The following SV2C variants were observed in gnomAD, a reference collection of about 807,000 sequenced individuals.
SV2C encodes solute carrier family 22 member B3.
SV2C carries 49 observed loss-of-function variants against 79.7 expected under a neutral mutation model. The ratio of observed to expected loss-of-function variants is 0.61; its 90% confidence interval spans 0.49 to 0.78. SV2C has a LOEUF of 0.78. SV2C is among the 30% of genes least tolerant of loss of function. The pLI, the probability that SV2C is intolerant of heterozygous loss-of-function variation, is 0.00. For missense variants in SV2C, 833 were observed against 912.9 expected (o/e 0.91, Z 1.13); for synonymous variants, 334 against 333.2 (o/e 1.00, Z -0.03).
At chr5:76,256,449 C>A (rs1230142585) in intron 4 of SV2C, among the ~76,000 whole-genome samples, 1 of 152,124 alleles carries the variant, frequency 6.6e-6, no homozygotes, top group East Asian at 1.9e-4. Flanking sequence ...TCTTGTGAAC[C>A]CAGGGTGCCC....
At chr5:76,310,923 A>T (rs1025670849) in intron 12 of SV2C, among the ~76,000 whole-genome samples, 6 of 152,234 alleles carry the variant, frequency 3.9e-5, no homozygotes, top group African/African-American at 1.2e-4. Context: ...ATACAAAAAA[A>T]CTAGCCTGGA....
the SV2C span, among the ~76,000 whole-genome samples, chr5:75,969,078 C>A: frequency 2.6e-5 from 4 of 152,086 alleles, no homozygotes; most frequent in Admixed American, 1.3e-4. Flanking sequence ...CCAAACTAAA[C>A]CTCGTCAGTG....
intron 1 of SV2C, among the ~76,000 whole-genome samples, chr5:76,102,539 A>G (rs1204373941): frequency 6.6e-6 from 1 of 152,216 alleles, no homozygotes; most frequent in Non-Finnish European, 1.5e-5. Flanking sequence ...AGGAGGTGAC[A>G]CAGGGCTTGG....
intron 4 of SV2C, among the ~76,000 whole-genome samples, chr5:76,253,745 C>T (rs557329320): frequency 1.1e-4 from 17 of 149,780 alleles, no homozygotes; most frequent in African/African-American, 2.9e-4. Context: ...TTCCTTACTA[C>T]GAAGATTTTA....
chr5:75,930,002 T>C, the SV2C span, among the ~76,000 whole-genome samples: 2 of 152,210 alleles, frequency 1.3e-5, no homozygotes, highest in Non-Finnish European at 2.9e-5. Context: ...TTCAAATTCC[T>C]CTTAGCTACC....
At chr5:76,035,916 G>T in the SV2C span, among the ~76,000 whole-genome samples, 8 of 152,050 alleles carry the variant, frequency 5.3e-5, no homozygotes, top group Non-Finnish European at 1.0e-4. Context: ...CTTGCTTTAT[G>T]AATCTGGGTG....
the SV2C span, among the ~76,000 whole-genome samples, chr5:76,045,294 C>A: frequency 6.6e-6 from 1 of 152,260 alleles, no homozygotes; most frequent in South Asian, 2.1e-4. Flanking sequence ...CTACCAGTAC[C>A]GTGCTGTTTT....
the SV2C span, among the ~76,000 whole-genome samples, chr5:75,971,826 T>C: frequency 2.6e-5 from 4 of 152,166 alleles, no homozygotes; most frequent in Middle Eastern, 3.4e-3. Flanking sequence ...AAAAAACTAC[T>C]TGAAAGTTCA....
At chr5:76,165,663 G>A (rs1007408861) in intron 2 of SV2C, among the ~76,000 whole-genome samples, 5 of 151,736 alleles carry the variant, frequency 3.3e-5, no homozygotes, top group African/African-American at 4.8e-5. Context: ...GACACCCATC[G>A]GTTGTTATGT....
chr5:76,349,394 C>G (rs1482007414), intron 12 of SV2C, among the ~76,000 whole-genome samples: 1 of 152,064 alleles, frequency 6.6e-6, no homozygotes, highest in East Asian at 1.9e-4. Context: ...GCACCTGTAA[C>G]CCAGCTACTC....
intron 12 of SV2C, chr5:76,311,562 A>G (rs1440846660): frequency 6.6e-6 from 1 of 152,190 alleles, no homozygotes; most frequent in Non-Finnish European, 1.5e-5. Context: ...TTGAATATAC[A>G]AGTCATTGTA....
chr5:75,921,124 G>T, the SV2C span: 1 of 846,780 alleles, frequency 1.2e-6, no homozygotes, highest in Non-Finnish European at 2.0e-6. Context: ...AGTTGGCCTT[G>T]CTGTTTTCAA....
chr5:76,132,956 ATAT>A (rs927858261), intron 2 of SV2C, among the ~76,000 whole-genome samples: 1 of 151,550 alleles, frequency 6.6e-6, no homozygotes, highest in Admixed American at 6.6e-5. Flanking sequence ...TCATTTCTTT[ATAT>A]TATTTTAAAT....
chr5:75,986,566 A>C, the SV2C span, among the ~76,000 whole-genome samples: 1 of 151,996 alleles, frequency 6.6e-6, no homozygotes, highest in African/African-American at 2.4e-5. Context: ...TTTTTAAGCC[A>C]CTAAGTTTGT....
the SV2C span, among the ~76,000 whole-genome samples, chr5:75,968,694 G>C: frequency 1.3e-4 from 20 of 152,324 alleles, no homozygotes; most frequent in African/African-American, 4.6e-4. Flanking sequence ...CCAAATCTAC[G>C]TCTGATTGGT....
chr5:75,906,505 G>T, the SV2C span, among the ~76,000 whole-genome samples: 2 of 151,900 alleles, frequency 1.3e-5, no homozygotes, highest in Non-Finnish European at 2.9e-5. Flanking sequence ...AGGCAAATGG[G>T]TTTCTAGAAG....
At chr5:76,198,456 G>T (rs533469864) in intron 3 of SV2C, among the ~76,000 whole-genome samples, 1 of 152,164 alleles carries the variant, frequency 6.6e-6, no homozygotes, top group Admixed American at 6.5e-5. Flanking sequence ...CTCCTGAGTG[G>T]AAGCATCCTG....
intron 2 of SV2C, among the ~76,000 whole-genome samples, chr5:76,185,401 C>T (rs1010703756): frequency 6.6e-6 from 1 of 152,236 alleles, no homozygotes; most frequent in Non-Finnish European, 1.5e-5. Flanking sequence ...GCTTGTATCC[C>T]ACATTTTCCT....
At chr5:76,266,564 A>T (rs187993792) in intron 4 of SV2C, among the ~76,000 whole-genome samples, 1 of 152,324 alleles carries the variant, frequency 6.6e-6, no homozygotes, top group Admixed American at 6.5e-5. Flanking sequence ...TCACAAACAG[A>T]TGAATACTGT....
Sources: allele counts gnomAD v4.1 joint callset (sites outside exome capture counted in the v4.1 genomes callset), GRCh38; gene constraint gnomAD v4.1.1; transcripts MANE v1.5; gene names NCBI Gene and HGNC (gene_info 2026-07-23, HGNC 2026-07-21).